The following MRPS10 variants were observed in gnomAD, a reference collection of about 807,000 sequenced individuals.
MRPS10 encodes the protein mitochondrial ribosomal protein S10, also known as small ribosomal subunit protein uS10m.
A neutral mutation model predicts 27.5 loss-of-function variants in MRPS10; 23 were observed. The ratio of observed to expected loss-of-function variants is 0.84; its 90% CI spans 0.60 to 1.18. MRPS10 has a LOEUF of 1.18. MRPS10 is among the 50% of genes most tolerant of loss of function. MRPS10 has a pLI of 0.00. For synonymous variants in MRPS10, 88 were observed against 84.2 expected (o/e 1.04, Z -0.25); for missense variants, 237 against 240.1 (o/e 0.99, Z 0.09).
At chr6:42,210,770 T>C (rs569849688) in intron 4 of MRPS10, among the ~76,000 whole-genome samples, 174 bp from the exon 5 acceptor site, 3 of 152,288 alleles carry the variant, frequency 2.0e-5, no homozygotes, top group African/African-American at 7.2e-5. Flanking sequence ...CAAGCCAAAA[T>C]AAACACTGCA....
chr6:42,215,730 T>C (rs1304102965), intron 1 of MRPS10, among the ~76,000 whole-genome samples: 2 of 152,176 alleles, frequency 1.3e-5, no homozygotes, highest in Non-Finnish European at 2.9e-5. Flanking sequence ...TAGCCACGTT[T>C]TAAAAGCCTA....
intron 1 of MRPS10, among the ~76,000 whole-genome samples, chr6:42,216,798 C>A (rs1768954724): frequency 6.6e-6 from 1 of 151,978 alleles, no homozygotes; most frequent in Admixed American, 6.6e-5. Flanking sequence ...GCGACAAGAG[C>A]GAAACTCCGT....
Position 42,208,938 on chromosome 6 carries a change from G to C in MRPS10, c.442C>G (p.Leu148Val), listed in dbSNP as rs1442125512. Reference protein sequence around the residue: ...TLYRCLELEHLTGSTADVYLE... With the variant: ...TLYRCLELEHVTGSTADVYLE... ...TAGACATCTGCTGTGCTTCCAGTTA[G>C]ATGTTCTAACTAAAACATCAAACAT... The change falls in exon 6 of 7, where the codon CTA (leucine) becomes GTA (valine). Residue 148 changes from leucine to valine, a missense_variant. By Grantham distance (32) the Leu-to-Val change is conservative. This residue lies in a region of MRPS10 where 62 missense variants were observed against 68.2 expected (regional missense o/e 0.91). Coordinates refer to ENST00000053468, the MANE Select transcript of MRPS10 (RefSeq NM_018141.4). 2 of 1,605,336 alleles carry C rather than the reference G, an allele frequency of 1.2e-6. No homozygotes were observed. Among genetic ancestry groups the C allele is most frequent in the South Asian group, 1.1e-5 (1 of 90,538 alleles).
chr6:42,208,936 T>C lies in MRPS10; in HGVS notation c.444A>G (p.Leu148=). 6.2e-7 allele frequency: 1 copy of C among 1,606,210 alleles called. No individual in the cohort carries two copies. The highest frequency in any genetic ancestry group is 1.7e-5 in the Admixed American group (1 of 59,636). The change falls in exon 6 of 7, where the codon CTA becomes CTG. Residue 148 remains leucine, a synonymous_variant. Transcript: ENST00000053468. ...TLYRCLELEH[L]TGSTADVYLE... The stretch of plus-strand genomic sequence containing the variant: ...AGTAGACATCTGCTGTGCTTCCAGT[T>C]AGATGTTCTAACTAAAACATCAAAC...
At position 42,216,383 on chromosome 6, in the gene MRPS10, A is replaced by AGTGTGT. The variant is rs763994848; in HGVS notation, c.48+1418_48+1419insACACAC. Among the ~76,000 whole-genome samples the AGTGTGT allele has an allele frequency of 5.8e-3, 269 of 46,218 alleles. 2 individuals are homozygous for AGTGTGT. Among genetic ancestry groups the AGTGTGT allele is most frequent in the Middle Eastern group, 0.019 (2 of 106 alleles). The allele number at this position is 46,218 out of a possible 152,430, so 30.3% of individuals were successfully genotyped here. On this transcript the variant is annotated intron_variant, in intron 1 of 6. Coordinates refer to ENST00000053468, the MANE Select transcript of MRPS10 (RefSeq NM_018141.4). ...TTGAGAGAGAGAGAGAGAGAGAGAG[A>AGTGTGT]GAGTGTGTGTGTGTGTGTGTGTGTG...
intron 1 of MRPS10, among the ~76,000 whole-genome samples, chr6:42,216,385 A>AGAGAGAGAGAGAGAGAGAGT: frequency 2.9e-4 from 17 of 58,634 alleles, no homozygotes; most frequent in Non-Finnish European, 8.0e-5. Context: ...AGAGAGAGAG[A>AGAGAGAGAGAGAGAGAGAGT]GTGTGTGTGT....
intron 4 of MRPS10, among the ~76,000 whole-genome samples, 161 bp from the exon 5 acceptor site, chr6:42,210,757 A>C (rs1768750756): frequency 6.6e-6 from 1 of 152,148 alleles, no homozygotes; most frequent in Non-Finnish European, 1.5e-5. Flanking sequence ...CTATCATAAA[A>C]CTCAAGCCAA....
At position 42,216,026 on chromosome 6, in the gene MRPS10, C is replaced by CTTTT. The variant is rs34985131; in HGVS notation, c.49-1686_49-1683dup. Among the ~76,000 whole-genome samples the CTTTT allele has an allele frequency of 1.4e-3, 82 of 56,978 alleles. 2 individuals carry two copies. In the East Asian group the frequency reaches 0.11, roughly 75 times the overall value. 37.4% of individuals were successfully genotyped at this position (56,978 alleles called of 152,430 possible). Reference sequence around the variant, plus strand: ...TTTTCTTTTCTTTTTTTTTTCTTTTCTTTTTTTTTTTTTTTTTGAGAGAGT... The same window carrying CTTTT: ...TTTTCTTTTCTTTTTTTTTTCTTTTCTTTTTTTTTTTTTTTTTTTTTGAGAGAGT... On this transcript the variant is annotated intron_variant, in intron 1 of 6. Coordinates refer to ENST00000053468, the MANE Select transcript of MRPS10 (RefSeq NM_018141.4).
chr6:42,208,866 C>A lies in MRPS10; in HGVS notation c.514G>T (p.Val172Leu). The A allele has an allele frequency of 6.2e-7, 1 of 1,605,896 alleles. No homozygotes were observed. The highest frequency in any genetic ancestry group is 8.5e-7 in the Non-Finnish European group (1 of 1,173,464). ...AGAAATTCAAGCTATACCTTTGTTA[C>A]TTCCATGGCAACCCCTTCAGGTAAG... ...RNLPEGVAME[V>L]TKTQLEQLPE... is the part of the protein sequence containing the mutation. Residue 172 changes from valine to leucine, a missense_variant, in exon 6 of 7, where the codon GTA (valine) becomes TTA (leucine). Physicochemically the swap from Val to Leu is conservative, Grantham distance 32. This residue lies in a region of MRPS10 where 62 missense variants were observed against 68.2 expected (regional missense o/e 0.91). Transcript: ENST00000053468.
At position 42,208,166 on chromosome 6, in the gene MRPS10, G is replaced by A. The variant is rs1021587683; in HGVS notation, c.*123C>T. On this transcript the variant is annotated 3_prime_UTR_variant, in exon 7 of 7. Coordinates refer to ENST00000053468, the MANE Select transcript of MRPS10 (RefSeq NM_018141.4). ...CCCTGCCCTCAGCTGATGAGGGCACGAGAACTCAATGGAGCAGTTAGGGCA... is the reference window on the plus strand; with the variant it reads ...CCCTGCCCTCAGCTGATGAGGGCACAAGAACTCAATGGAGCAGTTAGGGCA... The A allele has an allele frequency of 2.3e-5, 17 of 741,328 alleles. No homozygotes were observed. The highest frequency in any genetic ancestry group is 5.4e-5 in the African/African-American group (3 of 55,484). 45.9% of individuals were successfully genotyped at this position (741,328 alleles called of 1,614,324 possible).
At chr6:42,216,385 A>AGAGAGTGTGTGT in intron 1 of MRPS10, among the ~76,000 whole-genome samples, 1 of 58,698 alleles carries the variant, frequency 1.7e-5, no homozygotes, top group African/African-American at 4.4e-5. Flanking sequence ...AGAGAGAGAG[A>AGAGAGTGTGTGT]GTGTGTGTGT....
At chr6:42,208,620 T>C (rs1255374290) in intron 6 of MRPS10, among the ~76,000 whole-genome samples, 2 of 152,132 alleles carry the variant, frequency 1.3e-5, no homozygotes, top group Non-Finnish European at 2.9e-5. Flanking sequence ...TCTAGACAAC[T>C]CATATTGAGG....
At position 42,217,840 on chromosome 6, in the gene MRPS10, G is replaced by C; in HGVS notation, c.10C>G (p.Arg4Gly). ...CGGCACACAGCACCGAACGCTGTCC[G>C]CGCCGCCATCTTGCCGGTCCCGACC... MAA[R>G]TAFGAVCRRL... The change falls in exon 1 of 7, where the codon CGG (arginine) becomes GGG (glycine). Residue 4 changes from arginine to glycine, a missense_variant. This residue lies in a region of MRPS10 where 164 missense variants were observed against 137.8 expected (regional missense o/e 1.19). Transcript: ENST00000053468. 6.2e-7 allele frequency: 1 copy of C among 1,614,084 alleles called. No homozygotes were observed. The highest frequency in any genetic ancestry group is 8.5e-7 in the Non-Finnish European group (1 of 1,180,000).
In MRPS10 at chr6:42,214,344, C is replaced by G; in HGVS notation, c.49G>C (p.Gly17Arg). 1 of 1,597,564 alleles carries G rather than the reference C, an allele frequency of 6.3e-7. No homozygotes were observed. Among genetic ancestry groups the G allele is most frequent in the South Asian group, 1.1e-5 (1 of 88,530 alleles). ...FGAVCRRLWQGLGNFSVNTSK... is the reference protein window; with the variant it reads ...FGAVCRRLWQRLGNFSVNTSK... ...GTGTTTACAGAAAAATTCCCCAATC[C>G]CTAAAGAAAAAAAAAGTAGGACATG... The change falls in exon 2 of 7, where the codon GGA becomes CGA. Residue 17 changes from glycine (G) to arginine (R), a missense_variant and splice_region_variant. Coordinates refer to ENST00000053468, the MANE Select transcript of MRPS10 (RefSeq NM_018141.4).
intron 3 of MRPS10, among the ~76,000 whole-genome samples, chr6:42,213,161 A>G (rs968970024): frequency 6.6e-6 from 1 of 152,234 alleles, no homozygotes; most frequent in Admixed American, 6.5e-5. Flanking sequence ...AAATACATCC[A>G]GTACTGGCCA....
chr6:42,212,049 G>A (rs1328552343), intron 3 of MRPS10, 132 bp from the exon 4 acceptor site: 1 of 762,338 alleles, frequency 1.3e-6, no homozygotes, highest in Admixed American at 2.8e-5. Flanking sequence ...AGTGACGGCA[G>A]TGTTAGCTGA....
intron 4 of MRPS10, 57 bp downstream of exon 4, chr6:42,211,724 T>C: frequency 6.5e-7 from 1 of 1,530,904 alleles, no homozygotes; most frequent in Non-Finnish European, 8.8e-7. Context: ...AGCACTATTT[T>C]CCTGGTTGAT....
Position 42,216,359 on chromosome 6 carries a change from TGAGA to T in MRPS10, c.48+1439_48+1442del, listed in dbSNP as rs373981686. On this transcript the variant is annotated intron_variant, in intron 1 of 6. Coordinates refer to ENST00000053468, the MANE Select transcript of MRPS10 (RefSeq NM_018141.4). ...AATTGCATTTTTTCTTTGTATTTCTTGAGAGAGAGAGAGAGAGAGAGAGAGAGTG... is the reference window on the plus strand; with the variant it reads ...AATTGCATTTTTTCTTTGTATTTCTTGAGAGAGAGAGAGAGAGAGAGAGTG... Among the ~76,000 whole-genome samples the T allele has an allele frequency of 2.8e-3, 161 of 58,236 alleles. 5 individuals are homozygous for T. Among genetic ancestry groups the T allele is most frequent in the South Asian group, 0.015 (15 of 1,002 alleles). The allele number at this position is 58,236 out of a possible 152,430, so 38.2% of individuals were successfully genotyped here.
intron 1 of MRPS10, among the ~76,000 whole-genome samples, chr6:42,214,695 ATACT>A (rs1370999572): frequency 2.6e-5 from 4 of 152,226 alleles, no homozygotes; most frequent in African/African-American, 9.6e-5. Context: ...CTTCAGTATA[ATACT>A]TATTTTGCCT....
Sources: gnomAD v4.1 joint callset for allele counts (sites outside exome capture counted in the v4.1 genomes callset) on GRCh38, gnomAD v4.1.1 for gene constraint, gnomAD v4.1.1 regional missense constraint, MANE v1.5 for transcripts, NCBI Gene and HGNC (gene_info 2026-07-23, HGNC 2026-07-21) for gene names.